The following SSBP2 variants were observed in gnomAD, a reference collection of about 807,000 sequenced individuals.
The protein encoded by SSBP2 is single-stranded DNA-binding protein 2.
In SSBP2, 17 loss-of-function variants were observed where a neutral mutation model predicts 61.8. The observed-to-expected ratio is 0.28, with a 90% CI of 0.19 to 0.41. The LOEUF (loss-of-function observed/expected upper bound fraction) is 0.41, where lower values mean the gene tolerates loss of function less well. Ranked by LOEUF, SSBP2 falls within the 10% of genes least tolerant of loss-of-function variation. The probability of loss-of-function intolerance (pLI) is 1.00; values close to 1 mark genes in which losing one functional copy is unlikely to be tolerated. For synonymous variants in SSBP2, 139 were observed against 141.3 expected, an observed-to-expected ratio of 0.98 and a Z score of 0.12; for missense variants, 310 against 458.7, an observed-to-expected ratio of 0.68 and a Z score of 2.96.
At chr5:81,541,789 T>A (rs934636810) in intron 4 of SSBP2, among the ~76,000 whole-genome samples, 1 of 152,206 alleles carries the variant, frequency 6.6e-6, no homozygotes, top group African/African-American at 2.4e-5. Flanking sequence ...AGTATAGGTT[T>A]CAATGTAAAA....
chr5:81,727,648 A>G (rs1755983128), intron 1 of SSBP2, among the ~76,000 whole-genome samples: 1 of 152,246 alleles, frequency 6.6e-6, no homozygotes, highest in South Asian at 2.1e-4. Flanking sequence ...TCAAATGCGT[A>G]TAATTTGAGA....
chr5:81,441,029 T>C (rs1762998064), intron 13 of SSBP2, among the ~76,000 whole-genome samples: 1 of 152,260 alleles, frequency 6.6e-6, no homozygotes, highest in Non-Finnish European at 1.5e-5. Context: ...TTAATAAGAA[T>C]AATTCAATGT....
chr5:81,666,646 T>C (rs1751162541), intron 1 of SSBP2, among the ~76,000 whole-genome samples: 1 of 152,112 alleles, frequency 6.6e-6, no homozygotes, highest in African/African-American at 2.4e-5. Context: ...ATCTATAGAG[T>C]TTAGTAAAAA....
intron 5 of SSBP2, among the ~76,000 whole-genome samples, chr5:81,501,212 A>AAAATAT (rs1767690656): frequency 3.5e-5 from 1 of 28,832 alleles, no homozygotes; most frequent in African/African-American, 8.5e-5. Context: ...CTCCATCTCA[A>AAAATAT]ATATATATAT....
chr5:81,643,518 T>C (rs1208965937), intron 2 of SSBP2, among the ~76,000 whole-genome samples: 1 of 151,808 alleles, frequency 6.6e-6, no homozygotes, highest in African/African-American at 2.4e-5. Flanking sequence ...AAATCTCTCA[T>C]GTATAGAAGC....
intron 3 of SSBP2, among the ~76,000 whole-genome samples, chr5:81,625,152 C>A (rs1279550989): frequency 1.3e-5 from 2 of 152,074 alleles, no homozygotes; most frequent in African/African-American, 4.8e-5. Flanking sequence ...AATTAGTATA[C>A]AAAAATGTAG....
intron 4 of SSBP2, among the ~76,000 whole-genome samples, chr5:81,539,230 A>C (rs554950623): frequency 6.6e-6 from 1 of 152,344 alleles, no homozygotes; most frequent in African/African-American, 2.4e-5. Context: ...GGAAGAAGTC[A>C]CTGCAAATGT....
chr5:81,488,010 AATATATATAT>A (rs59039206), intron 6 of SSBP2, among the ~76,000 whole-genome samples: 567 of 38,734 alleles, frequency 0.015, 9 homozygotes, highest in Non-Finnish European at 0.018. Flanking sequence ...ATGGCCAAAT[AATATATATAT>A]ATATATATAT....
At chr5:81,545,082 G>A (rs1344862905) in intron 4 of SSBP2, among the ~76,000 whole-genome samples, 1 of 152,156 alleles carries the variant, frequency 6.6e-6, no homozygotes, top group African/African-American at 2.4e-5. Context: ...ACACTTTAGG[G>A]TGGCCAGCTT....
intron 1 of SSBP2, among the ~76,000 whole-genome samples, chr5:81,719,356 T>TAA (rs752488542): frequency 6.6e-6 from 1 of 152,198 alleles, no homozygotes; most frequent in Non-Finnish European, 1.5e-5. Flanking sequence ...AGAGGGCTGA[T>TAA]GATTAACTTC....
chr5:81,453,519 T>C (rs1477125227), intron 10 of SSBP2, among the ~76,000 whole-genome samples: 2 of 145,738 alleles, frequency 1.4e-5, no homozygotes, highest in Admixed American at 1.4e-4. Context: ...TGCAGGGGCG[T>C]GATCTCGGCT....
upstream of SSBP2, chr5:81,751,698 C>T (rs969668654): frequency 2.6e-5 from 4 of 152,912 alleles, no homozygotes; most frequent in Admixed American, 2.6e-4. Flanking sequence ...AGCCCTACTC[C>T]CTGGGGTGTC....
At chr5:81,575,217 G>T (rs943604370) in intron 4 of SSBP2, among the ~76,000 whole-genome samples, 7 of 152,194 alleles carry the variant, frequency 4.6e-5, no homozygotes, top group Admixed American at 2.6e-4. Flanking sequence ...GCAGTGAGCT[G>T]AGATCACGCT....
intron 4 of SSBP2, among the ~76,000 whole-genome samples, chr5:81,558,781 C>G (rs921960557): frequency 2.0e-5 from 3 of 152,118 alleles, no homozygotes; most frequent in Admixed American, 2.0e-4. Context: ...ACATAAGGTT[C>G]CAGGACAAAT....
At chr5:81,489,768 CTT>C (rs1161013503) in intron 5 of SSBP2, among the ~76,000 whole-genome samples, 2 of 152,070 alleles carry the variant, frequency 1.3e-5, no homozygotes, top group East Asian at 3.9e-4. Flanking sequence ...TCTTTTATAG[CTT>C]TGTTTAAAAT....
chr5:81,736,184 ACACACT>A (rs758075348), intron 1 of SSBP2, among the ~76,000 whole-genome samples: 21,103 of 73,580 alleles, frequency 0.29, 1,674 homozygotes, highest in Middle Eastern at 0.48. Context: ...ACACACACAC[ACACACT>A]CTACGGCACT....
chr5:81,462,464 A>T (rs1561429096), intron 9 of SSBP2, among the ~76,000 whole-genome samples: 2 of 152,140 alleles, frequency 1.3e-5, no homozygotes, highest in Admixed American at 6.5e-5. Context: ...CCCAAGTGGA[A>T]TTTTTTCCCA....
intron 2 of SSBP2, among the ~76,000 whole-genome samples, chr5:81,643,027 G>A (rs1464028076): frequency 6.6e-6 from 1 of 152,008 alleles, no homozygotes; most frequent in Non-Finnish European, 1.5e-5. Context: ...CTATACTTGG[G>A]GCTGGGATTC....
chr5:81,664,899 C>CAGTG (rs1264777023), intron 1 of SSBP2, among the ~76,000 whole-genome samples: 1 of 152,130 alleles, frequency 6.6e-6, no homozygotes, highest in Non-Finnish European at 1.5e-5. Flanking sequence ...TTCGGGTTCT[C>CAGTG]TGTTCTGTTC....
Sources: allele counts gnomAD v4.1 joint callset (sites outside exome capture counted in the v4.1 genomes callset), GRCh38; gene constraint gnomAD v4.1.1; transcripts MANE v1.5; gene names NCBI Gene and HGNC (gene_info 2026-07-23, HGNC 2026-07-21).